NALF1: variants seen among roughly 807,000 people sequenced by gnomAD.
NALF1 encodes the protein family with sequence similarity 155 member A.
In NALF1, 3 loss-of-function variants were observed where a neutral mutation model predicts 48.4. That is an observed-to-expected ratio of 0.06 (90% CI 0.03 to 0.16). The LOEUF (loss-of-function observed/expected upper bound fraction) is 0.16, where lower values mean the gene tolerates loss of function less well. Among genes scored for constraint, NALF1 ranks in the 10% least tolerant of loss-of-function variants. The probability of loss-of-function intolerance (pLI) is 1.00; values close to 1 mark genes in which losing one functional copy is unlikely to be tolerated. For synonymous variants in NALF1, 262 were observed against 245.7 expected, an observed-to-expected ratio of 1.07 and a Z score of -0.62; for missense variants, 526 against 571.5, an observed-to-expected ratio of 0.92 and a Z score of 0.81.
At chr13:107,811,839 C>T (rs1397198461) in intron 1 of NALF1, among the ~76,000 whole-genome samples, 1 of 152,110 alleles carries the variant, frequency 6.6e-6, no homozygotes, top group Non-Finnish European at 1.5e-5. Flanking sequence ...GCCCTCATGG[C>T]CTAATAAGTT....
chr13:107,519,953 C>A (rs963316128), intron 1 of NALF1, among the ~76,000 whole-genome samples: 4 of 152,122 alleles, frequency 2.6e-5, no homozygotes, highest in Non-Finnish European at 5.9e-5. Flanking sequence ...CCAATAATAT[C>A]TTGCATTAAT....
At chr13:107,469,732 T>TC (rs1885066066) in intron 1 of NALF1, among the ~76,000 whole-genome samples, 1 of 126,446 alleles carries the variant, frequency 7.9e-6, no homozygotes, top group Admixed American at 9.1e-5. Context: ...CAACTGTGTA[T>TC]CTTTTTTTTT....
intron 1 of NALF1, among the ~76,000 whole-genome samples, chr13:107,625,690 C>T (rs1262161078): frequency 6.6e-6 from 1 of 152,068 alleles, no homozygotes; most frequent in African/African-American, 2.4e-5. Flanking sequence ...ATCTATCTTC[C>T]AGGCCAGCAG....
chr13:107,279,699 C>T (rs992382688), intron 1 of NALF1, among the ~76,000 whole-genome samples: 1 of 152,188 alleles, frequency 6.6e-6, no homozygotes, highest in Non-Finnish European at 1.5e-5. Context: ...CAAATGCTTC[C>T]TAGTCTTAAA....
intron 1 of NALF1, among the ~76,000 whole-genome samples, chr13:107,553,354 A>G (rs1252558635): frequency 1.3e-5 from 2 of 152,198 alleles, no homozygotes; most frequent in Non-Finnish European, 2.9e-5. Flanking sequence ...ACTTATATAC[A>G]TGTTACCTGA....
intron 1 of NALF1, among the ~76,000 whole-genome samples, chr13:107,688,335 C>T (rs1297461587): frequency 2.6e-5 from 4 of 152,126 alleles, no homozygotes; most frequent in African/African-American, 4.8e-5. Flanking sequence ...CCTGATGTTA[C>T]TGTAAGTTTA....
chr13:107,602,023 T>C (rs553047322), intron 1 of NALF1, among the ~76,000 whole-genome samples: 3 of 152,146 alleles, frequency 2.0e-5, no homozygotes, highest in African/African-American at 7.2e-5. Context: ...ACTTGGACAA[T>C]TTCCTAAAAA....
At chr13:107,256,687 G>A (rs1880822933) in intron 1 of NALF1, among the ~76,000 whole-genome samples, 1 of 151,996 alleles carries the variant, frequency 6.6e-6, no homozygotes, top group Admixed American at 6.6e-5. Flanking sequence ...TAAAAGTTGG[G>A]ACTACCCTTG....
intron 1 of NALF1, among the ~76,000 whole-genome samples, chr13:107,676,610 A>G (rs376684766): frequency 1.5e-5 from 2 of 135,372 alleles, no homozygotes; most frequent in East Asian, 4.0e-4. Flanking sequence ...TAATTTAATT[A>G]ATTTAATTAA....
Position 107,857,764 on chromosome 13 carries a change from T to G in NALF1, c.915+7918A>C, listed in dbSNP as rs917215996. Among the ~76,000 whole-genome samples, 3 of 152,202 alleles carry G rather than the reference T, an allele frequency of 2.0e-5. No homozygotes were observed. The East Asian group carries it at 5.8e-4, about 29-fold the overall frequency. ...AATCAGAGGATTTTACCATACAATA[T>G]GCAAAGTCTGTTTATAAAAGTCTTG... On this transcript the variant is annotated intron_variant, in intron 1 of 2. Transcript: ENST00000375915.
chr13:107,512,322 A>G (rs2139088417), intron 1 of NALF1, among the ~76,000 whole-genome samples: 1 of 152,320 alleles, frequency 6.6e-6, no homozygotes, highest in South Asian at 2.1e-4. Context: ...TGAACCTGGG[A>G]GGCGGAGGTT....
chr13:107,626,530 T>C (rs1879677967), intron 1 of NALF1, among the ~76,000 whole-genome samples: 1 of 152,116 alleles, frequency 6.6e-6, no homozygotes, highest in African/African-American at 2.4e-5. Context: ...TGGCCATCAA[T>C]GGATGAATGG....
chr13:107,662,223 C>A (rs1477985621), intron 1 of NALF1, among the ~76,000 whole-genome samples: 3 of 152,184 alleles, frequency 2.0e-5, no homozygotes, highest in Non-Finnish European at 4.4e-5. Flanking sequence ...CACAGCCTGG[C>A]TGGGTGGCCA....
chr13:107,404,575 A>C (rs1883867234), intron 1 of NALF1, among the ~76,000 whole-genome samples: 1 of 152,158 alleles, frequency 6.6e-6, no homozygotes, highest in Admixed American at 6.6e-5. Flanking sequence ...GCTCATGAAA[A>C]TTGTAGGGAA....
intron 1 of NALF1, among the ~76,000 whole-genome samples, chr13:107,816,515 G>A (rs79180536): frequency 0.012 from 1,888 of 152,062 alleles, 43 homozygotes; most frequent in African/African-American, 0.043. Context: ...GAACAGTAAG[G>A]GAGAAATCAG....
intron 1 of NALF1, among the ~76,000 whole-genome samples, chr13:107,507,858 C>A (rs180801647): frequency 6.6e-6 from 1 of 152,096 alleles, no homozygotes; most frequent in Admixed American, 6.6e-5. Flanking sequence ...AAGTAGAAGA[C>A]TAAATGTTGC....
chr13:107,205,087 G>A lies in NALF1; in HGVS notation c.1087+5497C>T, dbSNP rs537230300. The stretch of plus-strand genomic sequence containing the variant: ...AGTTACATATGTATACATGTGCCAC[G>A]CTGGTGGAGCTGCACCCACTAACTC... On this transcript the variant is annotated intron_variant, in intron 2 of 2. Transcript: ENST00000375915. Among the ~76,000 whole-genome samples, 8 of 151,428 alleles carry A rather than the reference G, an allele frequency of 5.3e-5. No individual in the cohort carries two copies. The South Asian group carries it at 1.7e-3, about 32-fold the overall frequency.
intron 1 of NALF1, among the ~76,000 whole-genome samples, chr13:107,289,689 C>G (rs538711525): frequency 7.9e-5 from 12 of 152,100 alleles, no homozygotes; most frequent in Admixed American, 3.9e-4. Flanking sequence ...ATGAAATCCA[C>G]GAGTCTCCAT....
chr13:107,791,117 G>GA (rs764164515), intron 1 of NALF1, among the ~76,000 whole-genome samples: 2 of 152,064 alleles, frequency 1.3e-5, no homozygotes, highest in Non-Finnish European at 1.5e-5. Context: ...ATTTAATATA[G>GA]AAAAAATGTA....
Sources: gnomAD v4.1 joint callset for allele counts (sites outside exome capture counted in the v4.1 genomes callset) on GRCh38, gnomAD v4.1.1 for gene constraint, MANE v1.5 for transcripts, NCBI Gene and HGNC (gene_info 2026-07-23, HGNC 2026-07-21) for gene names.